RFPL1: variants seen among roughly 807,000 people sequenced by gnomAD.
The protein encoded by RFPL1 is ret finger protein like 1.
A neutral mutation model predicts 9.6 loss-of-function variants in RFPL1; 6 were observed. The observed-to-expected ratio is 0.62, with a 90% CI of 0.34 to 1.23. The LOEUF is 1.23. RFPL1 is among the 50% of genes most tolerant of loss of function. The probability of loss-of-function intolerance (pLI) is 0.03; values close to 1 mark genes in which losing one functional copy is unlikely to be tolerated. For missense variants in RFPL1, 352 were observed against 398.4 expected (o/e 0.88, Z 0.99); for synonymous variants, 145 against 149.4 (o/e 0.97, Z 0.22).
At chr22:29,392,199 C>G in the RFPL1 span, among the ~76,000 whole-genome samples, 1 of 151,956 alleles carries the variant, frequency 6.6e-6, no homozygotes, top group African/African-American at 2.4e-5. Context: ...CCTGCCTCAG[C>G]CTCTCGAGTC....
At chr22:29,413,679 C>A in the RFPL1 span, among the ~76,000 whole-genome samples, 2 of 152,144 alleles carry the variant, frequency 1.3e-5, no homozygotes, top group Admixed American at 1.3e-4. Context: ...ATTTATTCAA[C>A]TTTTAATGTC....
chr22:29,441,719 T>C, exon 2 of RFPL1: 2 of 1,613,552 alleles, frequency 1.2e-6, no homozygotes, highest in Non-Finnish European at 1.7e-6. Context: ...TACTGGGAGG[T>C]GGACGTGGGA....
the RFPL1 span, among the ~76,000 whole-genome samples, chr22:29,392,824 G>T: frequency 1.3e-5 from 2 of 152,296 alleles, no homozygotes; most frequent in East Asian, 3.9e-4. Context: ...TTTCATCTTG[G>T]GGGGAACTTC....
the RFPL1 span, among the ~76,000 whole-genome samples, chr22:29,429,607 G>A: frequency 6.6e-6 from 1 of 152,228 alleles, no homozygotes; most frequent in East Asian, 1.9e-4. Context: ...TACCAAGATT[G>A]AATCAGAAAG....
chr22:29,396,902 T>C, the RFPL1 span, among the ~76,000 whole-genome samples: 1 of 128,414 alleles, frequency 7.8e-6, no homozygotes, highest in Non-Finnish European at 1.6e-5. Context: ...AACTTCTTTT[T>C]TTTTTTTTTT....
chr22:29,422,942 G>C, the RFPL1 span, among the ~76,000 whole-genome samples: 9 of 152,128 alleles, frequency 5.9e-5, no homozygotes, highest in African/African-American at 9.7e-5. Context: ...GCTCTAAAAG[G>C]AGTGGTCAAT....
At chr22:29,441,882 A>T (rs1170452066) in exon 2 of RFPL1, 5 of 1,613,426 alleles carry the variant, frequency 3.1e-6, no homozygotes, top group Non-Finnish European at 4.2e-6. Flanking sequence ...TCCTCTTCGT[A>T]GACCGCAAGT....
the RFPL1 span, among the ~76,000 whole-genome samples, chr22:29,416,629 G>T: frequency 2.0e-5 from 3 of 152,096 alleles, no homozygotes; most frequent in African/African-American, 7.2e-5. Flanking sequence ...CTGGAGGGTC[G>T]CAGGGAAGCA....
At chr22:29,418,666 A>C in the RFPL1 span, among the ~76,000 whole-genome samples, 131 of 151,946 alleles carry the variant, frequency 8.6e-4, 1 homozygote, top group Admixed American at 1.4e-3. Flanking sequence ...TGCCCGGCTA[A>C]TTTTTGTATT....
At chr22:29,437,656 C>T (rs2062815028), upstream of RFPL1, 3 of 1,594,310 alleles carry the variant, frequency 1.9e-6, no homozygotes, top group Middle Eastern at 1.8e-4. Flanking sequence ...AAAACGCCCT[C>T]ATGTGCCCCT....
the RFPL1 span, among the ~76,000 whole-genome samples, chr22:29,410,295 T>TACA: frequency 9.0e-6 from 1 of 110,720 alleles, no homozygotes; most frequent in African/African-American, 4.1e-5. Flanking sequence ...TATATATATG[T>TACA]AGATATATAT....
At chr22:29,388,599 C>A in the RFPL1 span, 5 of 152,276 alleles carry the variant, frequency 3.3e-5, no homozygotes, top group Admixed American at 3.3e-4. Context: ...CCGGTGGACG[C>A]AAGGCCTGAA....
At chr22:29,400,060 ATC>A in the RFPL1 span, among the ~76,000 whole-genome samples, 1 of 142,442 alleles carries the variant, frequency 7.0e-6, no homozygotes, top group Non-Finnish European at 1.5e-5. Flanking sequence ...CAGTGGCGCG[ATC>A]TCGGCTCACT....
chr22:29,399,419 C>T, the RFPL1 span, among the ~76,000 whole-genome samples: 1 of 152,090 alleles, frequency 6.6e-6, no homozygotes, highest in Admixed American at 6.5e-5. Flanking sequence ...CAAAATAGAC[C>T]TCACCTCAAG....
At chr22:29,397,227 A>G in the RFPL1 span, among the ~76,000 whole-genome samples, 1 of 152,182 alleles carries the variant, frequency 6.6e-6, no homozygotes. Context: ...CTTCTTAAGT[A>G]GTTCCCACAA....
upstream of RFPL1, among the ~76,000 whole-genome samples, chr22:29,435,533 A>G (rs1181732398): frequency 2.0e-5 from 3 of 152,108 alleles, no homozygotes; most frequent in African/African-American, 7.2e-5. Context: ...CAGAGAGCAA[A>G]CCCCAAATGA....
chr22:29,389,721 T>G, the RFPL1 span, among the ~76,000 whole-genome samples: 1 of 151,346 alleles, frequency 6.6e-6, no homozygotes, highest in East Asian at 1.9e-4. Context: ...AAAAACCATC[T>G]GCAATCCCAC....
the RFPL1 span, among the ~76,000 whole-genome samples, chr22:29,427,392 G>C: frequency 6.6e-6 from 1 of 152,214 alleles, no homozygotes; most frequent in East Asian, 1.9e-4. Flanking sequence ...GTGAAAGCCT[G>C]TTCCTGCCTG....
the RFPL1 span, chr22:29,423,319 G>A: frequency 1.6e-6 from 1 of 631,222 alleles, no homozygotes; most frequent in Non-Finnish European, 2.9e-6. Context: ...CTATTTCCTG[G>A]AGAAACAAAC....
Sources: allele counts gnomAD v4.1 joint callset (sites outside exome capture counted in the v4.1 genomes callset), GRCh38; gene constraint gnomAD v4.1.1; transcripts MANE v1.5; gene names NCBI Gene and HGNC (gene_info 2026-07-23, HGNC 2026-07-21).